Variants in PTK2B observed in about 807,000 individuals in gnomAD.
PTK2B encodes the protein protein tyrosine kinase 2 beta, also known as protein-tyrosine kinase 2-beta.
A neutral mutation model predicts 142.9 loss-of-function variants in PTK2B; 71 were observed. The observed-to-expected ratio is 0.50, with a 90% confidence interval of 0.41 to 0.61. PTK2B has a LOEUF of 0.61. Ranked by LOEUF, PTK2B falls within the 20% of genes least tolerant of loss-of-function variation. PTK2B has a pLI of 0.00. For missense variants in PTK2B, 1,105 were observed against 1,320.4 expected, an observed-to-expected ratio of 0.84 and a Z score of 2.53; for synonymous variants, 519 against 503.4, an observed-to-expected ratio of 1.03 and a Z score of -0.42.
intron 2 of PTK2B, among the ~76,000 whole-genome samples, chr8:27,407,253 G>A (rs1792184955): frequency 6.6e-6 from 1 of 152,150 alleles, no homozygotes; most frequent in South Asian, 2.1e-4. Context: ...AGCAGAAGGT[G>A]CAAGGGAAGA....
chr8:27,366,720 T>A (rs1312664521), intron 1 of PTK2B, among the ~76,000 whole-genome samples: 2 of 152,166 alleles, frequency 1.3e-5, no homozygotes, highest in Non-Finnish European at 2.9e-5. Context: ...CTTTTGAAAT[T>A]TCTGAGCACA....
chr8:27,401,761 T>A (rs566787612), intron 2 of PTK2B, among the ~76,000 whole-genome samples: 125 of 152,360 alleles, frequency 8.2e-4, no homozygotes, highest in Non-Finnish European at 1.4e-3. Flanking sequence ...TTGGGTTACA[T>A]AATGGAAAAT....
intron 1 of PTK2B, among the ~76,000 whole-genome samples, chr8:27,388,595 C>T (rs1039531949): frequency 1.3e-5 from 2 of 152,204 alleles, no homozygotes; most frequent in Non-Finnish European, 2.9e-5. Context: ...CCCAGTCTGT[C>T]GCTGTTCAGA....
intron 1 of PTK2B, among the ~76,000 whole-genome samples, chr8:27,350,990 A>AAAT (rs1554483396): frequency 3.3e-4 from 4 of 12,092 alleles, no homozygotes; most frequent in Non-Finnish European, 6.3e-4. Context: ...AAAAAAAAAA[A>AAAT]ATATATATAT....
intron 13 of PTK2B, 71 bp downstream of exon 13, chr8:27,434,630 C>G (rs1177956294): frequency 6.7e-7 from 1 of 1,490,258 alleles, no homozygotes; most frequent in East Asian, 2.4e-5. Flanking sequence ...TGCTTGCTCT[C>G]GTGACATTGC....
intron 1 of PTK2B, among the ~76,000 whole-genome samples, chr8:27,397,300 A>G (rs1808110869): frequency 6.6e-6 from 1 of 152,160 alleles, no homozygotes; most frequent in African/African-American, 2.4e-5. Context: ...GGCTTCCAGG[A>G]GACAGAGCTC....
At chr8:27,410,958 C>T (rs1809021529) in intron 2 of PTK2B, among the ~76,000 whole-genome samples, 1 of 152,188 alleles carries the variant, frequency 6.6e-6, no homozygotes, top group Admixed American at 6.5e-5. Context: ...TCTTAATAAC[C>T]AGGCTGTGAG....
At chr8:27,438,995 C>T in intron 18 of PTK2B, 36 bp from the exon 19 acceptor site, 2 of 1,542,822 alleles carry the variant, frequency 1.3e-6, no homozygotes, top group East Asian at 2.2e-5. Context: ...TGGGGGTGGG[C>T]AGTGCCTCAT....
intron 1 of PTK2B, among the ~76,000 whole-genome samples, chr8:27,364,081 C>T (rs901523182): frequency 6.6e-6 from 1 of 152,222 alleles, no homozygotes; most frequent in Non-Finnish European, 1.5e-5. Flanking sequence ...GAAACAGCTG[C>T]ATCAGCGTCC....
Position 27,436,322 on chromosome 8 carries a change from G to T in PTK2B, c.1315G>T (p.Val439Phe). Residue 439 changes from valine (V) to phenylalanine (F), a missense_variant, in exon 15 of 31, where the codon GTC (valine) becomes TTC (phenylalanine). Physicochemically the swap from Val to Phe is conservative, Grantham distance 50. Transcript: ENST00000346049. The part of the protein sequence containing the change: ...RILGEGFFGE[V>F]YEGVYTNHKG... ...TCTTGGGGAAGGCTTTTTTGGGGAG[G>T]TCTATGAAGGTGTCTACACAAATCA... The T allele has an allele frequency of 6.2e-7, 1 of 1,613,976 alleles. No individual in the cohort carries two copies. The highest frequency in any genetic ancestry group is 8.5e-7 in the Non-Finnish European group (1 of 1,179,874).
At position 27,430,114 on chromosome 8, in the gene PTK2B, C is replaced by T. The variant is rs542091902; in HGVS notation, c.573C>T (p.Pro191=). 5.0e-6 allele frequency: 8 copies of T among 1,613,972 alleles called. No homozygotes were observed. In the South Asian group the frequency reaches 5.5e-5, roughly 11 times the overall value. ...LELRRFFKDM[P]HNALDKKSNF... ...CCAGGCGGTTCTTCAAGGATATGCC[C>T]CACAATGCACTTGACAAGAAGTCCA... The change falls in exon 6 of 31, where the codon CCC becomes CCT. Residue 191 remains proline, a synonymous_variant. Transcript: ENST00000346049.
At chr8:27,451,809 T>G in intron 27 of PTK2B, 1 of 1,273,392 alleles carries the variant, frequency 7.9e-7, no homozygotes, top group African/African-American at 1.5e-5. Context: ...CTCTTCCTCA[T>G]TTCCTGCTCT....
At chr8:27,435,715 A>G (rs1810729426) in intron 13 of PTK2B, 28 bp from the exon 14 acceptor site, 3 of 1,613,688 alleles carry the variant, frequency 1.9e-6, no homozygotes, top group Non-Finnish European at 2.5e-6. Context: ...CATCTTGTCC[A>G]CGGCTGAGCC....
Position 27,453,178 on chromosome 8 carries a change from T to C in PTK2B, c.2595+18T>C. 1 of 1,614,028 alleles carries C rather than the reference T, an allele frequency of 6.2e-7. No individual in the cohort carries two copies. The highest frequency in any genetic ancestry group is 1.7e-5 in the Admixed American group (1 of 60,008). ...GCGCACAGGTATGTGTTGGCTCTGC[T>C]GAAACTGATAAATGAGAGTGGGGGT... On this transcript the variant is annotated intron_variant, in intron 28 of 30. Coordinates refer to ENST00000346049, the MANE Select transcript of PTK2B (RefSeq NM_173176.3).
chr8:27,396,477 C>T (rs1808059445), intron 1 of PTK2B, among the ~76,000 whole-genome samples: 1 of 152,220 alleles, frequency 6.6e-6, no homozygotes, highest in Non-Finnish European at 1.5e-5. Context: ...ACAGTGGTTT[C>T]CAACCCAGGC....
intron 1 of PTK2B, among the ~76,000 whole-genome samples, chr8:27,350,990 A>AAAAAAT (rs1554483396): frequency 1.7e-4 from 2 of 12,088 alleles, no homozygotes; most frequent in Non-Finnish European, 3.1e-4. Flanking sequence ...AAAAAAAAAA[A>AAAAAAT]ATATATATAT....
At position 27,430,082 on chromosome 8, in the gene PTK2B, T is replaced by A; in HGVS notation, c.552-11T>A. On this transcript the variant is annotated splice_polypyrimidine_tract_variant and intron_variant, in intron 5 of 30. Transcript: ENST00000346049. ...GCCTTCAGCCTCCCTCTCCACCACC[T>A]ATTTCTCCAGGCGGTTCTTCAAGGA... The A allele has an allele frequency of 2.5e-6, 4 of 1,612,722 alleles. No homozygotes were observed. Among genetic ancestry groups the A allele is most frequent in the Non-Finnish European group, 3.4e-6 (4 of 1,178,730 alleles).
chr8:27,448,123 T>G (rs1167647931), intron 24 of PTK2B, among the ~76,000 whole-genome samples: 2 of 152,080 alleles, frequency 1.3e-5, no homozygotes, highest in Non-Finnish European at 2.9e-5. Flanking sequence ...GGGAAAGATG[T>G]GGACAGGAGG....
At chr8:27,319,271 C>T (rs903828065) in intron 3 of PTK2B, among the ~76,000 whole-genome samples, 1 of 149,758 alleles carries the variant, frequency 6.7e-6, no homozygotes, top group South Asian at 2.1e-4. Flanking sequence ...TCTCTCCCCT[C>T]TACAGATTTT....
Sources: gnomAD v4.1 joint callset for allele counts (sites outside exome capture counted in the v4.1 genomes callset) on GRCh38, gnomAD v4.1.1 for gene constraint, MANE v1.5 for transcripts, NCBI Gene and HGNC (gene_info 2026-07-23, HGNC 2026-07-21) for gene names.